The following SLC10A2 variants were observed in gnomAD, a reference collection of about 807,000 sequenced individuals.
SLC10A2 encodes solute carrier family 10 member 2.
Under a neutral mutation model 27.1 loss-of-function variants are expected in SLC10A2, and 34 were observed. The ratio of observed to expected loss-of-function variants is 1.26; its 90% CI spans 0.96 to 1.67. The LOEUF is 1.67. Among genes scored for constraint, SLC10A2 ranks in the 40% most tolerant of loss-of-function variants. SLC10A2 has a pLI of 0.00. For synonymous variants in SLC10A2, 205 were observed against 174.0 expected (o/e 1.18, Z -1.40); for missense variants, 530 against 444.4 (o/e 1.19, Z -1.73).
intron 5 of SLC10A2, among the ~76,000 whole-genome samples, chr13:103,047,976 C>T (rs1875659899): frequency 6.6e-6 from 1 of 151,966 alleles, no homozygotes; most frequent in Non-Finnish European, 1.5e-5. Flanking sequence ...AGTGATAAAT[C>T]CATGGAATGT....
intron 1 of SLC10A2, 33 bp from the exon 2 acceptor site, chr13:103,058,415 C>T (rs772433530): frequency 3.2e-6 from 4 of 1,233,370 alleles, no homozygotes; most frequent in Admixed American, 1.7e-5. Context: ...ATACATCCAC[C>T]TGTGGTGTTC....
intron 5 of SLC10A2, among the ~76,000 whole-genome samples, chr13:103,048,295 G>A (rs1214729154): frequency 6.6e-6 from 1 of 151,900 alleles, no homozygotes; most frequent in Non-Finnish European, 1.5e-5. Context: ...GGAGGCTGAG[G>A]TGGGAGAATG....
At chr13:103,046,325 T>C (rs1004018442) in intron 5 of SLC10A2, 65 bp from the exon 6 acceptor site, 10 of 1,314,688 alleles carry the variant, frequency 7.6e-6, no homozygotes, top group Non-Finnish European at 1.1e-5. Flanking sequence ...TTACTTTGCA[T>C]AGAGATTATA....
intron 1 of SLC10A2, among the ~76,000 whole-genome samples, chr13:103,064,432 T>C (rs16961276): frequency 0.15 from 22,544 of 152,160 alleles, 1,715 homozygotes; most frequent in African/African-American, 0.19. Context: ...AATAGTCCAG[T>C]ACCACACACG....
chr13:103,058,655 G>C (rs1368352644), intron 1 of SLC10A2, among the ~76,000 whole-genome samples: 1 of 152,174 alleles, frequency 6.6e-6, no homozygotes, highest in Non-Finnish European at 1.5e-5. Flanking sequence ...TCCCCTCTAT[G>C]TGTCCATGCG....
chr13:103,052,251 G>C (rs1875804458), intron 3 of SLC10A2, among the ~76,000 whole-genome samples: 1 of 152,190 alleles, frequency 6.6e-6, no homozygotes, highest in Non-Finnish European at 1.5e-5. Context: ...GGACAGAATA[G>C]AGTAAACCCA....
In SLC10A2 at chr13:103,049,361, G is replaced by A. The variant is rs144946104; in HGVS notation, c.847C>T (p.Leu283Phe). Residue 283 changes from leucine (L) to phenylalanine (F), a missense_variant, in exon 5 of 6, where the codon CTC becomes TTC. Leu to Phe is a conservative substitution (Grantham distance 22). Transcript: ENST00000245312. ...IVQLSFTPEE[L>F]NVVFTFPLIY... is the part of the protein sequence containing the mutation. ...AGCGGGAAGGTGAATACGACATTGA[G>A]CTCCTCAGGAGTGAAGGAGAGCTGA... is the stretch of plus-strand genomic sequence containing the variant. 6 of 1,614,034 alleles carry A rather than the reference G, an allele frequency of 3.7e-6. No homozygotes were observed. The South Asian group carries it at 4.4e-5, about 12-fold the overall frequency.
chr13:103,065,203 G>A (rs1035379858), intron 1 of SLC10A2, among the ~76,000 whole-genome samples: 9 of 152,086 alleles, frequency 5.9e-5, no homozygotes, highest in Admixed American at 5.9e-4. Context: ...AGACTGGCAC[G>A]GGATGAAATG....
Position 103,060,215 on chromosome 13 carries a change from T to C in SLC10A2, c.378-1833A>G, listed in dbSNP as rs564094454. The stretch of plus-strand genomic sequence containing the variant: ...CTGAGCTCTAAAGCCACACACTGTC[T>C]GGGCTGAAAGCAGGCGGTGCCACTT... On this transcript the variant is annotated intron_variant, in intron 1 of 5. Transcript: ENST00000245312. Among the ~76,000 whole-genome samples the C allele has an allele frequency of 2.6e-5, 4 of 152,280 alleles. No homozygotes were observed. The South Asian group carries it at 8.3e-4, about 32-fold the overall frequency.
At chr13:103,055,365 G>C (rs1875909774) in intron 2 of SLC10A2, among the ~76,000 whole-genome samples, 1 of 152,162 alleles carries the variant, frequency 6.6e-6, no homozygotes, top group Non-Finnish European at 1.5e-5. Flanking sequence ...CAGCATCTGA[G>C]GGGGCTCACA....
chr13:103,062,919 A>G (rs1346700609), intron 1 of SLC10A2, among the ~76,000 whole-genome samples: 1 of 152,236 alleles, frequency 6.6e-6, no homozygotes, highest in Non-Finnish European at 1.5e-5. Context: ...GCCATTAAGA[A>G]GGATGAAGAC....
At chr13:103,062,555 AG>A (rs1876153227) in intron 1 of SLC10A2, among the ~76,000 whole-genome samples, 2 of 152,348 alleles carry the variant, frequency 1.3e-5, no homozygotes, top group African/African-American at 2.4e-5. Context: ...GGGAGAATAA[AG>A]GAAAAAGCCG....
chr13:103,044,310 A>G lies in SLC10A2; in HGVS notation c.*1823T>C, dbSNP rs1036494573. 6.6e-6 allele frequency: 1 copy of G among 152,166 alleles called. No individual in the cohort carries two copies. Among genetic ancestry groups the G allele is most frequent in the Non-Finnish European group, 1.5e-5 (1 of 68,054 alleles). The allele number at this position is 152,166 out of a possible 1,614,324, so 9.4% of individuals were successfully genotyped here. A position where few individuals can be genotyped will look rare whatever the true frequency, so the allele number is the denominator to read the frequency against. On this transcript the variant is annotated 3_prime_UTR_variant, in exon 6 of 6. Transcript: ENST00000245312. ...CCTTGATTTTGGGTGTGTTGAAATTACAAGAGGAGTTCTCAGGGTCCCTTT... is the reference window on the plus strand; with the variant it reads ...CCTTGATTTTGGGTGTGTTGAAATTGCAAGAGGAGTTCTCAGGGTCCCTTT...
chr13:103,060,381 ATTT>A (rs33930404), intron 1 of SLC10A2, among the ~76,000 whole-genome samples: 51,147 of 131,444 alleles, frequency 0.39, 10,258 homozygotes, highest in East Asian at 0.51. Flanking sequence ...TGCTACTACC[ATTT>A]TTTTTTTTTT....
intron 2 of SLC10A2, among the ~76,000 whole-genome samples, chr13:103,053,085 T>A (rs1293999572): frequency 1.3e-3 from 5 of 3,862 alleles, no homozygotes; most frequent in Non-Finnish European, 2.5e-3. Flanking sequence ...CACCAAGGTG[T>A]GTGTGTGTGT....
chr13:103,046,458 T>C (rs967366976), intron 5 of SLC10A2, among the ~76,000 whole-genome samples, 198 bp from the exon 6 acceptor site: 3 of 152,178 alleles, frequency 2.0e-5, no homozygotes, highest in Non-Finnish European at 4.4e-5. Flanking sequence ...CAGGAAGACC[T>C]AGCATAAATC....
Position 103,044,173 on chromosome 13 carries a change from G to A in SLC10A2, c.*1960C>T, listed in dbSNP as rs1875539906. 1 of 152,126 alleles carries A rather than the reference G, an allele frequency of 6.6e-6. No homozygotes were observed. The highest frequency in any genetic ancestry group is 6.5e-5 in the Admixed American group (1 of 15,268). 9.4% of individuals were successfully genotyped at this position (152,126 alleles called of 1,614,324 possible). ...TTCCCACTAGCAAATTAGGGAAAAAGACTCAAGTCACAAGTTACCGCATCA... is the reference window on the plus strand; with the variant it reads ...TTCCCACTAGCAAATTAGGGAAAAAAACTCAAGTCACAAGTTACCGCATCA... On this transcript the variant is annotated 3_prime_UTR_variant, in exon 6 of 6. Coordinates refer to ENST00000245312, the MANE Select transcript of SLC10A2 (RefSeq NM_000452.3).
chr13:103,064,240 T>G (rs1408874549), intron 1 of SLC10A2, among the ~76,000 whole-genome samples: 1 of 151,448 alleles, frequency 6.6e-6, no homozygotes, highest in Non-Finnish European at 1.5e-5. Context: ...TATTCTACTT[T>G]TAGTTCTTAT....
chr13:103,046,269 C>T lies in SLC10A2; in HGVS notation c.920-9G>A. ...CTTGTATGCCACATAAACTAGAAAA[C>T]AATACACAGACAGTTAAGTAAATTT... is the stretch of plus-strand genomic sequence containing the variant. On this transcript the variant is annotated splice_polypyrimidine_tract_variant and intron_variant, in intron 5 of 5. Coordinates refer to ENST00000245312, the MANE Select transcript of SLC10A2 (RefSeq NM_000452.3). 2.5e-6 allele frequency: 4 copies of T among 1,606,768 alleles called. No homozygotes were observed. The highest frequency in any genetic ancestry group is 3.4e-6 in the Non-Finnish European group (4 of 1,173,980).
Sources: gnomAD v4.1 joint callset for allele counts (sites outside exome capture counted in the v4.1 genomes callset) on GRCh38, gnomAD v4.1.1 for gene constraint, MANE v1.5 for transcripts, NCBI Gene and HGNC (gene_info 2026-07-23, HGNC 2026-07-21) for gene names.